The following NDC1 variants were observed in gnomAD, a reference collection of about 807,000 sequenced individuals.
NDC1 encodes the protein nucleoporin NDC1.
NDC1 carries 24 observed loss-of-function variants against 89.8 expected under a neutral mutation model. That is an observed-to-expected ratio of 0.27 (90% CI 0.19 to 0.38). NDC1 has a LOEUF of 0.38. Ranked by LOEUF, NDC1 falls within the 10% of genes least tolerant of loss-of-function variation. NDC1 has a pLI of 1.00. For synonymous variants in NDC1, 296 were observed against 284.8 expected, an observed-to-expected ratio of 1.04 and a Z score of -0.39; for missense variants, 728 against 797.6, an observed-to-expected ratio of 0.91 and a Z score of 1.05.
intron 13 of NDC1, among the ~76,000 whole-genome samples, chr1:53,794,075 A>C (rs1409928054): frequency 6.6e-6 from 1 of 151,884 alleles, no homozygotes; most frequent in Non-Finnish European, 1.5e-5. Context: ...TTCTGGGCTC[A>C]GGTGATTCTC....
intron 2 of NDC1, among the ~76,000 whole-genome samples, chr1:53,834,631 A>G (rs1649170389): frequency 6.6e-6 from 1 of 152,182 alleles, no homozygotes; most frequent in Non-Finnish European, 1.5e-5. Flanking sequence ...TTTAACCTGA[A>G]TCTCAGTTAT....
At chr1:53,779,975 C>G (rs1056788712) in intron 16 of NDC1, among the ~76,000 whole-genome samples, 3 of 152,086 alleles carry the variant, frequency 2.0e-5, no homozygotes, top group Non-Finnish European at 4.4e-5. Flanking sequence ...TCTCCAGGAG[C>G]CATTAATTAT....
At chr1:53,837,597 G>A (rs541991285) in intron 1 of NDC1, among the ~76,000 whole-genome samples, 10 of 152,174 alleles carry the variant, frequency 6.6e-5, no homozygotes, top group African/African-American at 2.4e-4. Context: ...TAAGACTTAC[G>A]GACCCAAAAG....
chr1:53,837,510 C>T (rs1257101885), intron 1 of NDC1, among the ~76,000 whole-genome samples: 1 of 151,816 alleles, frequency 6.6e-6, no homozygotes, highest in Non-Finnish European at 1.5e-5. Context: ...GCGGGGGTTG[C>T]AGTGAGCCGA....
intron 16 of NDC1, among the ~76,000 whole-genome samples, chr1:53,773,566 A>G (rs574067817): frequency 2.0e-5 from 3 of 152,304 alleles, no homozygotes; most frequent in African/African-American, 7.2e-5. Context: ...GGGACCTGCT[A>G]AAGAGCTGAG....
intron 6 of NDC1, among the ~76,000 whole-genome samples, chr1:53,818,430 C>CAAA (rs34211832): frequency 2.3e-5 from 3 of 132,706 alleles, no homozygotes; most frequent in Non-Finnish European, 3.3e-5. Context: ...GACAGATCAT[C>CAAA]AAAAAAAAAA....
chr1:53,789,638 A>G (rs1430727859), intron 14 of NDC1, among the ~76,000 whole-genome samples: 1 of 151,966 alleles, frequency 6.6e-6, no homozygotes, highest in Non-Finnish European at 1.5e-5. Flanking sequence ...TCTCTACTAA[A>G]AATACAAAAA....
At chr1:53,804,093 C>A (rs1648021599) in intron 9 of NDC1, 84 bp from the exon 10 acceptor site, 10 of 923,082 alleles carry the variant, frequency 1.1e-5, no homozygotes, top group Admixed American at 2.3e-5. Context: ...CATTATATAT[C>A]CAAGAGGAAA....
chr1:53,768,135 G>A (rs1201152871), intron 17 of NDC1, 102 bp from the exon 18 acceptor site: 19 of 653,036 alleles, frequency 2.9e-5, no homozygotes, highest in Non-Finnish European at 2.4e-5. Context: ...AATTAAAAAT[G>A]AATAGAAATC....
intron 14 of NDC1, among the ~76,000 whole-genome samples, chr1:53,792,071 T>C (rs909774489): frequency 1.3e-5 from 2 of 151,724 alleles, no homozygotes; most frequent in Non-Finnish European, 2.9e-5. Context: ...GCCTCCCGAG[T>C]AGCTGGGACC....
At chr1:53,781,629 AGTT>A (rs1185462196) in intron 16 of NDC1, among the ~76,000 whole-genome samples, 2 of 152,250 alleles carry the variant, frequency 1.3e-5, no homozygotes, top group Non-Finnish European at 2.9e-5. Flanking sequence ...AGGATAGAAC[AGTT>A]CCACACAATT....
chr1:53,795,674 C>CT (rs1647673736), intron 13 of NDC1, among the ~76,000 whole-genome samples: 1 of 152,202 alleles, frequency 6.6e-6, no homozygotes, highest in Non-Finnish European at 1.5e-5. Context: ...TTGACCACAT[C>CT]TTACAGCCCC....
At chr1:53,795,710 A>G (rs1647675686) in intron 13 of NDC1, among the ~76,000 whole-genome samples, 2 of 152,256 alleles carry the variant, frequency 1.3e-5, no homozygotes, top group South Asian at 4.1e-4. Context: ...GGTCCCAGAT[A>G]CCACCATCTC....
Position 53,793,284 on chromosome 1 carries a change from G to A in NDC1, c.1585-5C>T, listed in dbSNP as rs759547451. 6.2e-7 allele frequency: 1 copy of A among 1,604,574 alleles called. No homozygotes were observed. Among genetic ancestry groups the A allele is most frequent in the Non-Finnish European group, 8.5e-7 (1 of 1,171,678 alleles). The stretch of plus-strand genomic sequence containing the variant: ...TTTTGACAAGAAATTCTTAATCTGA[G>A]TTGGAAAAAAGGAAGAATTAACACA... On this transcript the variant is annotated splice_region_variant and splice_polypyrimidine_tract_variant and intron_variant, in intron 13 of 17. Coordinates refer to ENST00000371429, the MANE Select transcript of NDC1 (RefSeq NM_018087.5).
At chr1:53,769,332 T>C (rs181678052) in intron 17 of NDC1, among the ~76,000 whole-genome samples, 71 of 152,330 alleles carry the variant, frequency 4.7e-4, no homozygotes, top group Admixed American at 2.0e-3. Context: ...AGAGATCTAA[T>C]GTATAACATG....
At chr1:53,817,084 T>C (rs1458768744) in intron 6 of NDC1, among the ~76,000 whole-genome samples, 2 of 152,170 alleles carry the variant, frequency 1.3e-5, no homozygotes, top group East Asian at 3.8e-4. Flanking sequence ...AGTGTGGAGA[T>C]TCCTTAAAGA....
intron 7 of NDC1, among the ~76,000 whole-genome samples, chr1:53,809,233 G>A (rs1025961995): frequency 3.9e-5 from 6 of 152,222 alleles, no homozygotes; most frequent in Non-Finnish European, 8.8e-5. Context: ...CATGCAACTC[G>A]AGAAAGCCAC....
At chr1:53,791,101 T>G (rs1647482760) in intron 14 of NDC1, among the ~76,000 whole-genome samples, 1 of 152,196 alleles carries the variant, frequency 6.6e-6, no homozygotes, top group Admixed American at 6.5e-5. Flanking sequence ...TGATCAAATG[T>G]TTTAGCTTCT....
At chr1:53,808,138 T>C (rs1385565751) in intron 7 of NDC1, among the ~76,000 whole-genome samples, 1 of 152,204 alleles carries the variant, frequency 6.6e-6, no homozygotes, top group Admixed American at 6.5e-5. Flanking sequence ...TCAAAACCAT[T>C]AAACATGACT....
Sources: allele counts gnomAD v4.1 joint callset (sites outside exome capture counted in the v4.1 genomes callset), GRCh38; gene constraint gnomAD v4.1.1; transcripts MANE v1.5; gene names NCBI Gene and HGNC (gene_info 2026-07-23, HGNC 2026-07-21).